COMMD10: variants seen among roughly 807,000 people sequenced by gnomAD.
The protein encoded by COMMD10 is COMM domain containing 10.
Under a neutral mutation model 28.9 loss-of-function variants are expected in COMMD10, and 33 were observed. That is an observed-to-expected ratio of 1.14 (90% confidence interval 0.87 to 1.53). The LOEUF is 1.53. COMMD10 is among the 40% of genes most tolerant of loss of function. The probability of loss-of-function intolerance (pLI) is 0.00; values close to 1 mark genes in which losing one functional copy is unlikely to be tolerated. For synonymous variants in COMMD10, 110 were observed against 81.7 expected (o/e 1.35, Z -1.87); for missense variants, 310 against 233.4 (o/e 1.33, Z -2.14).
At chr5:116,207,215 A>T (rs1006313300) in intron 5 of COMMD10, among the ~76,000 whole-genome samples, 1 of 152,242 alleles carries the variant, frequency 6.6e-6, no homozygotes, top group African/African-American at 2.4e-5. Context: ...TGAAATAAGC[A>T]TATAGGCATT....
intron 4 of COMMD10, among the ~76,000 whole-genome samples, chr5:116,113,604 A>T (rs1751132620): frequency 1.3e-5 from 2 of 151,718 alleles, no homozygotes; most frequent in African/African-American, 4.8e-5. Flanking sequence ...CATGTATTTT[A>T]TATCTCCTTC....
chr5:116,168,308 G>A (rs540454767), intron 5 of COMMD10, among the ~76,000 whole-genome samples: 1 of 151,948 alleles, frequency 6.6e-6, no homozygotes, highest in African/African-American at 2.4e-5. Context: ...ATATATGCAC[G>A]CAATACAGGA....
intron 5 of COMMD10, among the ~76,000 whole-genome samples, chr5:116,147,888 T>C (rs1018441707): frequency 1.6e-4 from 24 of 151,870 alleles, no homozygotes; most frequent in Non-Finnish European, 4.4e-5. Context: ...TCCAAGTCTG[T>C]CCATTGTAAA....
chr5:116,184,113 T>A (rs1380623348), intron 5 of COMMD10, among the ~76,000 whole-genome samples: 2 of 151,998 alleles, frequency 1.3e-5, no homozygotes, highest in Non-Finnish European at 2.9e-5. Flanking sequence ...GTGAAAGAAG[T>A]TTTATAGATC....
At chr5:116,104,832 G>A (rs1351236561) in intron 4 of COMMD10, among the ~76,000 whole-genome samples, 1 of 152,108 alleles carries the variant, frequency 6.6e-6, no homozygotes, top group Non-Finnish European at 1.5e-5. Flanking sequence ...TCTTAGCCAG[G>A]ATGGTCTAGA....
intron 3 of COMMD10, among the ~76,000 whole-genome samples, 156 bp downstream of exon 3, chr5:116,091,345 G>A (rs1031754860): frequency 6.6e-6 from 1 of 151,994 alleles, no homozygotes; most frequent in Non-Finnish European, 1.5e-5. Flanking sequence ...AAAAATATTT[G>A]AATATTGTAA....
chr5:116,121,876 A>C (rs568192723), intron 4 of COMMD10, among the ~76,000 whole-genome samples: 20 of 152,158 alleles, frequency 1.3e-4, no homozygotes, highest in Admixed American at 4.6e-4. Flanking sequence ...TAGATTCTGG[A>C]TGCTAGCCCG....
At chr5:116,248,429 A>C (rs1305463787) in intron 5 of COMMD10, among the ~76,000 whole-genome samples, 4 of 152,062 alleles carry the variant, frequency 2.6e-5, no homozygotes, top group Non-Finnish European at 4.4e-5. Context: ...AATTAAGGTT[A>C]TTTACAACAA....
At chr5:116,215,496 C>T (rs973684841) in intron 5 of COMMD10, among the ~76,000 whole-genome samples, 3 of 151,292 alleles carry the variant, frequency 2.0e-5, no homozygotes, top group South Asian at 2.1e-4. Flanking sequence ...AGACCATCCT[C>T]GCCAACAAGG....
chr5:116,137,014 A>G (rs1369863015), intron 5 of COMMD10, among the ~76,000 whole-genome samples: 1 of 152,122 alleles, frequency 6.6e-6, no homozygotes, highest in Non-Finnish European at 1.5e-5. Flanking sequence ...ACCATCACCT[A>G]GGCAGAAGCA....
intron 4 of COMMD10, among the ~76,000 whole-genome samples, chr5:116,105,889 T>C (rs959670132): frequency 1.3e-5 from 2 of 151,666 alleles, no homozygotes; most frequent in East Asian, 3.9e-4. Flanking sequence ...GTGTATTTTG[T>C]TGAGCTTTTC....
intron 4 of COMMD10, among the ~76,000 whole-genome samples, chr5:116,107,838 A>G (rs1427648904): frequency 1.3e-5 from 2 of 151,620 alleles, no homozygotes; most frequent in Non-Finnish European, 2.9e-5. Context: ...TTGTTCTTTG[A>G]TGTTGGTGAC....
chr5:116,094,324 C>T (rs1186400522), intron 4 of COMMD10, among the ~76,000 whole-genome samples: 1 of 152,106 alleles, frequency 6.6e-6, no homozygotes, highest in Non-Finnish European at 1.5e-5. Context: ...ATCTCAACTG[C>T]AAAGTAACTA....
chr5:116,216,555 C>T (rs527625524), intron 5 of COMMD10, among the ~76,000 whole-genome samples: 9 of 152,158 alleles, frequency 5.9e-5, no homozygotes, highest in East Asian at 3.9e-4. Flanking sequence ...TTGTTTGAGA[C>T]GGAGTCTTGC....
At chr5:116,187,406 A>G (rs1022163897) in intron 5 of COMMD10, among the ~76,000 whole-genome samples, 4 of 152,142 alleles carry the variant, frequency 2.6e-5, no homozygotes, top group African/African-American at 9.7e-5. Context: ...TGGTATACAT[A>G]TGTATAGAGA....
chr5:116,287,631 C>G (rs1162337698), intron 5 of COMMD10, among the ~76,000 whole-genome samples: 4 of 151,422 alleles, frequency 2.6e-5, no homozygotes, highest in Non-Finnish European at 5.9e-5. Context: ...CTGTCTATGT[C>G]TTGTTCCTTT....
chr5:116,159,695 G>A (rs1449785816), intron 5 of COMMD10, among the ~76,000 whole-genome samples: 1 of 152,154 alleles, frequency 6.6e-6, no homozygotes, highest in Non-Finnish European at 1.5e-5. Context: ...TACAGGCTGA[G>A]TGCAGAGATG....
intron 1 of COMMD10, among the ~76,000 whole-genome samples, chr5:116,087,185 T>A (rs112044015): frequency 6.6e-6 from 1 of 152,224 alleles, no homozygotes; most frequent in Non-Finnish European, 1.5e-5. Context: ...TTGGGTTAAG[T>A]GTTTATATAA....
At chr5:116,248,958 TAATAATAAGTAACAGTA>T (rs1197052679) in intron 5 of COMMD10, among the ~76,000 whole-genome samples, 10 of 152,094 alleles carry the variant, frequency 6.6e-5, no homozygotes, top group African/African-American at 2.2e-4. Flanking sequence ...TAAAATCAAG[TAATAATAAGTAACAGTA>T]AATGGTACTG....
Sources: gnomAD v4.1 joint callset for allele counts (sites outside exome capture counted in the v4.1 genomes callset) on GRCh38, gnomAD v4.1.1 for gene constraint, MANE v1.5 for transcripts, NCBI Gene and HGNC (gene_info 2026-07-23, HGNC 2026-07-21) for gene names.